DOCK7: variants seen among roughly 807,000 people sequenced by gnomAD.
DOCK7 encodes the protein dedicator of cytokinesis protein 7.
Under a neutral mutation model 271.0 loss-of-function variants are expected in DOCK7, and 138 were observed. That is an observed-to-expected ratio of 0.51 (90% CI 0.44 to 0.59). The LOEUF is 0.59. Among genes scored for constraint, DOCK7 ranks in the 20% least tolerant of loss-of-function variants. The pLI is 0.00. For missense variants in DOCK7, 2,066 were observed against 2,592.4 expected, an observed-to-expected ratio of 0.80 and a Z score of 4.41; for synonymous variants, 823 against 876.1, an observed-to-expected ratio of 0.94 and a Z score of 1.07.
chr1:62,665,564 C>T (rs184622241), intron 1 of DOCK7, among the ~76,000 whole-genome samples: 2 of 151,484 alleles, frequency 1.3e-5, no homozygotes, highest in Admixed American at 1.3e-4. Context: ...ATTAGCCAGG[C>T]GTGGTGGTGC....
intron 14 of DOCK7, 28 bp downstream of exon 14, chr1:62,618,678 C>T: frequency 1.3e-6 from 2 of 1,580,842 alleles, no homozygotes; most frequent in East Asian, 4.5e-5. Flanking sequence ...TATCTTCTAT[C>T]AGAATTCTCC....
At chr1:62,596,963 A>G (rs1442609900) in intron 14 of DOCK7, among the ~76,000 whole-genome samples, 1 of 152,170 alleles carries the variant, frequency 6.6e-6, no homozygotes, top group East Asian at 1.9e-4. Context: ...ATGCAAAAAA[A>G]CATATTAACA....
intron 48 of DOCK7, chr1:62,458,777 C>T (rs9988450): frequency 0.38 from 58,206 of 151,958 alleles, 11,864 homozygotes; most frequent in African/African-American, 0.53. Context: ...GTGATCCACC[C>T]GCCTTGGCCT....
At chr1:62,615,415 T>C (rs1652319502) in intron 14 of DOCK7, among the ~76,000 whole-genome samples, 1 of 151,850 alleles carries the variant, frequency 6.6e-6, no homozygotes, top group South Asian at 2.1e-4. Flanking sequence ...ATCATTTCCA[T>C]AAACTAAGAA....
At chr1:62,531,930 C>A (rs10458569) in intron 29 of DOCK7, among the ~76,000 whole-genome samples, 5,505 of 152,324 alleles carry the variant, frequency 0.036, 209 homozygotes, top group East Asian at 0.16. Context: ...CTCATGCTCT[C>A]ACATGCTCAC....
intron 48 of DOCK7, among the ~76,000 whole-genome samples, chr1:62,461,390 G>GCC (rs1645521712): frequency 1.3e-5 from 2 of 152,020 alleles, no homozygotes; most frequent in Non-Finnish European, 2.9e-5. Flanking sequence ...AATATATAAA[G>GCC]TTAACTGCAG....
chr1:62,665,315 A>G (rs571443481), intron 1 of DOCK7, among the ~76,000 whole-genome samples: 3 of 152,268 alleles, frequency 2.0e-5, no homozygotes, highest in East Asian at 1.9e-4. Context: ...TGAAGCCTAT[A>G]TAATGTGAGT....
At position 62,559,178 on chromosome 1, in the gene DOCK7, C is replaced by T; in HGVS notation, c.2242G>A (p.Asp748Asn). 1 of 1,613,600 alleles carries T rather than the reference C, an allele frequency of 6.2e-7. No individual in the cohort carries two copies. Among genetic ancestry groups the T allele is most frequent in the East Asian group, 2.2e-5 (1 of 44,872 alleles). ...ATTCGGACTGGGAACAGGTGTTCAT[C>T]CAGAGCATTGACCAGAGCAAAAAAT... is the stretch of plus-strand genomic sequence containing the variant. ...DKFFALVNAL[D>N]EHLFPVRIGD... Residue 748 changes from aspartate (D) to asparagine (N), a missense_variant, in exon 20 of 50, where the codon GAT becomes AAT. Physicochemically the swap from Asp to Asn is conservative, Grantham distance 23. Around this residue, in one of 2 missense-constraint regions of DOCK7, gnomAD observed 1,414 missense variants for 1,670.4 expected, o/e 0.85. Transcript: ENST00000635253.
intron 37 of DOCK7, among the ~76,000 whole-genome samples, chr1:62,500,123 G>T (rs1646739826): frequency 6.6e-6 from 1 of 152,098 alleles, no homozygotes; most frequent in Non-Finnish European, 1.5e-5. Context: ...TAGTAAAAAG[G>T]TAAGGAAGAG....
At chr1:62,620,052 G>A in intron 12 of DOCK7, 59 bp from the exon 13 acceptor site, 1 of 1,381,084 alleles carries the variant, frequency 7.2e-7, no homozygotes. Flanking sequence ...AGGCACAGTG[G>A]CTCACGCCTG....
At chr1:62,596,372 A>G (rs1018468345) in intron 14 of DOCK7, among the ~76,000 whole-genome samples, 8 of 152,216 alleles carry the variant, frequency 5.3e-5, no homozygotes. Context: ...ATATGTCAAG[A>G]TTAAGCAGTT....
intron 7 of DOCK7, among the ~76,000 whole-genome samples, chr1:62,637,021 A>G (rs1313894817): frequency 6.6e-6 from 1 of 152,212 alleles, no homozygotes; most frequent in Non-Finnish European, 1.5e-5. Context: ...AAACACATGA[A>G]TATTCAGAGG....
At chr1:62,684,450 C>G (rs1470151756) in intron 1 of DOCK7, among the ~76,000 whole-genome samples, 2 of 152,160 alleles carry the variant, frequency 1.3e-5, no homozygotes, top group Non-Finnish European at 1.5e-5. Context: ...CTCATTTAAT[C>G]CTCACATTAA....
intron 36 of DOCK7, 46 bp downstream of exon 36, chr1:62,505,636 T>TA (rs906030631): frequency 3.8e-5 from 59 of 1,563,500 alleles, no homozygotes; most frequent in Middle Eastern, 1.7e-4. Context: ...ACAATGTTAA[T>TA]AAAAAAAACA....
At chr1:62,536,249 G>A (rs1266350709) in intron 28 of DOCK7, among the ~76,000 whole-genome samples, 1 of 151,954 alleles carries the variant, frequency 6.6e-6, no homozygotes. Flanking sequence ...CTCCTAATAA[G>A]AATATAAAAC....
At chr1:62,627,655 G>A (rs1226349391) in intron 11 of DOCK7, 1 of 151,536 alleles carries the variant, frequency 6.6e-6, no homozygotes, top group African/African-American at 2.4e-5. Flanking sequence ...ATCAAGAAAC[G>A]ATAAAATACT....
At chr1:62,642,587 C>T (rs1656171847) in intron 7 of DOCK7, among the ~76,000 whole-genome samples, 1 of 152,140 alleles carries the variant, frequency 6.6e-6, no homozygotes, top group African/African-American at 2.4e-5. Context: ...TTATTATTCT[C>T]CCAAACAGTA....
intron 7 of DOCK7, chr1:62,641,352 C>T: frequency 2.5e-6 from 1 of 405,614 alleles, no homozygotes; most frequent in Non-Finnish European, 4.9e-6. Context: ...AGGCACACAA[C>T]CTTGAGGGCA....
chr1:62,468,360 C>CAAAAAAAA (rs201784083), intron 48 of DOCK7, among the ~76,000 whole-genome samples: 4 of 93,082 alleles, frequency 4.3e-5, no homozygotes, highest in Non-Finnish European at 4.5e-5. Flanking sequence ...GACTCTGTCT[C>CAAAAAAAA]AAAAAAAAAA....
Sources: allele counts gnomAD v4.1 joint callset (sites outside exome capture counted in the v4.1 genomes callset), GRCh38; gene constraint gnomAD v4.1.1; regional missense constraint gnomAD v4.1.1; transcripts MANE v1.5; gene names NCBI Gene and HGNC (gene_info 2026-07-23, HGNC 2026-07-21).